The following MCF2L variants were observed in gnomAD, a reference collection of about 807,000 sequenced individuals.
The protein encoded by MCF2L is MCF.2 cell line derived transforming sequence like, also known as guanine nucleotide exchange factor DBS.
Under a neutral mutation model 153.4 loss-of-function variants are expected in MCF2L, and 97 were observed. That is an observed-to-expected ratio of 0.63 (90% CI 0.54 to 0.75). MCF2L has a LOEUF of 0.75. Ranked by LOEUF, MCF2L falls within the 30% of genes least tolerant of loss-of-function variation. MCF2L has a pLI of 0.00. For synonymous variants in MCF2L, 659 were observed against 632.2 expected, an observed-to-expected ratio of 1.04 and a Z score of -0.64; for missense variants, 1,347 against 1,495.2, an observed-to-expected ratio of 0.90 and a Z score of 1.64.
Position 112,904,809 on chromosome 13 carries a change from A to G in MCF2L, c.169+2438A>G, listed in dbSNP as rs1436882821. Among the ~76,000 whole-genome samples, 1 of 152,262 alleles carries G rather than the reference A, an allele frequency of 6.6e-6. No individual in the cohort carries two copies. Among genetic ancestry groups the G allele is most frequent in the Non-Finnish European group, 1.5e-5 (1 of 68,048 alleles). On this transcript the variant is annotated intron_variant, in intron 2 of 29. Coordinates refer to the MCF2L transcript ENST00000375608. This position sits in a 1 kb window ranked among gnomAD's most constrained non-coding sequence, Gnocchi z 4.2. ...CCTGCACCACACCTGCTCCGTCTCC[A>G]GGTGACCTGGGGCCTTGGCAATGTC...
intron 2 of MCF2L, chr13:112,909,495 C>CCAT: frequency 1.8e-6 from 1 of 559,852 alleles, no homozygotes; most frequent in South Asian, 2.5e-5. Flanking sequence ...AAGTCCTACA[C>CCAT]TAGCGCAGAG....
intron 2 of MCF2L, among the ~76,000 whole-genome samples, chr13:112,940,301 C>T (rs998881888): frequency 6.6e-6 from 1 of 152,260 alleles, no homozygotes; most frequent in Non-Finnish European, 1.5e-5. Context: ...TTGTTCATTT[C>T]ACTGTCTCAT....
chr13:112,967,150 T>A (rs753855763), upstream of MCF2L, among the ~76,000 whole-genome samples: 3 of 147,314 alleles, frequency 2.0e-5, no homozygotes, highest in Non-Finnish European at 4.5e-5. Context: ...GATGACAGGC[T>A]TTCCCTGAAG....
chr13:113,048,665 A>G (rs184013408), intron 4 of MCF2L, among the ~76,000 whole-genome samples: 1 of 152,070 alleles, frequency 6.6e-6, no homozygotes, highest in East Asian at 1.9e-4. Flanking sequence ...GATGGTCTCA[A>G]TCTCCTGACC....
At chr13:112,979,209 A>G in intron 1 of MCF2L, 1 of 515,276 alleles carries the variant, frequency 1.9e-6, no homozygotes, top group Non-Finnish European at 2.5e-6. Flanking sequence ...GTTTGTTTGA[A>G]CTTGAGACTT....
intron 4 of MCF2L, among the ~76,000 whole-genome samples, chr13:113,052,908 A>G (rs772781627): frequency 2.0e-5 from 3 of 152,078 alleles, no homozygotes; most frequent in Non-Finnish European, 4.4e-5. Context: ...CACATACATC[A>G]CATAAACACA....
chr13:113,090,993 A>T (rs1020650540), intron 26 of MCF2L: 1 of 1,235,826 alleles, frequency 8.1e-7, no homozygotes, highest in African/African-American at 1.6e-5. Context: ...CTCCTTTTTC[A>T]TCGGTGGAAA....
intron 2 of MCF2L, among the ~76,000 whole-genome samples, chr13:112,905,636 T>C (rs752926694): frequency 2.0e-4 from 31 of 152,170 alleles, no homozygotes; most frequent in African/African-American, 3.6e-4. Context: ...TGGACAACTC[T>C]AGGGAGCTCA....
chr13:113,036,854 G>A (rs534816995), intron 3 of MCF2L, among the ~76,000 whole-genome samples: 1 of 152,260 alleles, frequency 6.6e-6, no homozygotes, highest in African/African-American at 2.4e-5. Flanking sequence ...ATGGGGTTCA[G>A]ATACCAAGTG....
intron 13 of MCF2L, 93 bp downstream of exon 13, chr13:113,077,304 G>A (rs537797116): frequency 3.9e-5 from 53 of 1,375,662 alleles, no homozygotes; most frequent in South Asian, 3.3e-4. Context: ...AGCCACCTGC[G>A]AAAACTGTCT....
Position 112,963,162 on chromosome 13 carries a change from C to G in MCF2L, c.170-51601C>G, listed in dbSNP as rs565723748. ...CACAGACGTCCCCTCTGAAAGGGCC[C>G]GTGGCTCCCACCCACCTCCACCACT... On this transcript the variant is annotated intron_variant, in intron 2 of 29. Coordinates refer to the MCF2L transcript ENST00000375608. 2.1e-3 allele frequency among the ~76,000 whole-genome samples: 321 copies of G among 152,314 alleles called. 3 individuals carry two copies. The highest frequency in any genetic ancestry group is 7.3e-3 in the African/African-American group (305 of 41,564).
At chr13:113,072,499 A>G (rs937456258) in intron 9 of MCF2L, among the ~76,000 whole-genome samples, 3 of 152,228 alleles carry the variant, frequency 2.0e-5, no homozygotes, top group African/African-American at 4.8e-5. Flanking sequence ...TAGATGCTCA[A>G]TAAAACTATC....
rs748780852 is a variant in MCF2L, at chr13:112,960,891, A to G, written c.170-53872A>G. On this transcript the variant is annotated intron_variant, in intron 2 of 29. Coordinates refer to the MCF2L transcript ENST00000375608. This position sits in a 1 kb window ranked among gnomAD's most constrained non-coding sequence, Gnocchi z 4.2. ...CCCTGGATCTCCTGGATAGCCCCCA[A>G]TGGCTCTCTGTGGTACGTGGGGGCC... Among the ~76,000 whole-genome samples, 5 of 151,950 alleles carry G rather than the reference A, an allele frequency of 3.3e-5. No homozygotes were observed. Among genetic ancestry groups the G allele is most frequent in the Non-Finnish European group, 5.9e-5 (4 of 67,962 alleles).
chr13:112,931,699 A>C (rs1335370293), intron 2 of MCF2L, among the ~76,000 whole-genome samples: 5 of 152,204 alleles, frequency 3.3e-5, no homozygotes, highest in African/African-American at 1.2e-4. Context: ...GGCTTCTTAG[A>C]GAAACCGCAG....
intron 4 of MCF2L, among the ~76,000 whole-genome samples, chr13:113,049,705 G>A (rs1316846215): frequency 2.6e-5 from 4 of 152,020 alleles, no homozygotes; most frequent in African/African-American, 7.3e-5. Flanking sequence ...TGCTGCGGGC[G>A]CCACAAAGCA....
chr13:112,922,204 T>C (rs2081359899), intron 2 of MCF2L, among the ~76,000 whole-genome samples: 1 of 152,124 alleles, frequency 6.6e-6, no homozygotes, highest in South Asian at 2.1e-4. Context: ...AGATAGTTTT[T>C]CAGAAAATTA....
Position 112,943,324 on chromosome 13 carries a change from C to A in MCF2L, c.169+40953C>A, listed in dbSNP as rs921391283. ...GAGGCTGTGGTTGGGGGGTCGCGGT[C>A]GAGCTCTAGGGCCCCCGGCCGCAGA... On this transcript the variant is annotated intron_variant, in intron 2 of 29. Coordinates refer to the MCF2L transcript ENST00000375608. This position sits in a 1 kb window ranked among gnomAD's most constrained non-coding sequence, Gnocchi z 4.2. 1.3e-5 allele frequency among the ~76,000 whole-genome samples: 2 copies of A among 152,166 alleles called. No homozygotes were observed. The highest frequency in any genetic ancestry group is 2.9e-5 in the Non-Finnish European group (2 of 67,998).
At chr13:113,091,047 AGCCTCCTCGCC>A in intron 26 of MCF2L, 1 of 1,296,202 alleles carries the variant, frequency 7.7e-7, no homozygotes, top group South Asian at 1.2e-5. Flanking sequence ...AGCGCGGGTC[AGCCTCCTCGCC>A]GCCTCCCTCC....
chr13:112,968,388 T>C, upstream of MCF2L: 1 of 1,529,304 alleles, frequency 6.5e-7, no homozygotes, highest in Non-Finnish European at 8.7e-7. Flanking sequence ...TGGCCCTGCA[T>C]AGACACGAGC....
Sources: allele counts gnomAD v4.1 joint callset (sites outside exome capture counted in the v4.1 genomes callset), GRCh38; gene constraint gnomAD v4.1.1; non-coding constraint Gnocchi (gnomAD v3.1); transcripts MANE v1.5; gene names NCBI Gene and HGNC (gene_info 2026-07-23, HGNC 2026-07-21).